Variants in CCSER1 observed in about 807,000 individuals in gnomAD.
The protein encoded by CCSER1 is coiled-coil serine rich protein 1, also known as serine-rich coiled-coil domain-containing protein 1.
A neutral mutation model predicts 82.0 loss-of-function variants in CCSER1; 41 were observed. The observed-to-expected ratio is 0.50, with a 90% CI of 0.39 to 0.65. The LOEUF is 0.65. Ranked by LOEUF, CCSER1 falls within the 30% of genes least tolerant of loss-of-function variation. The pLI is 0.00. For missense variants in CCSER1, 1,119 were observed against 1,064.2 expected (o/e 1.05, Z -0.72); for synonymous variants, 414 against 383.9 (o/e 1.08, Z -0.92).
chr4:91,213,430 A>G (rs1328615539), intron 10 of CCSER1, among the ~76,000 whole-genome samples: 4 of 152,136 alleles, frequency 2.6e-5, no homozygotes, highest in African/African-American at 7.2e-5. Flanking sequence ...ATGGTGATAT[A>G]GTAAAAAAAA....
At chr4:91,084,916 A>G (rs1369472030) in intron 9 of CCSER1, among the ~76,000 whole-genome samples, 2 of 152,126 alleles carry the variant, frequency 1.3e-5, no homozygotes, top group Non-Finnish European at 2.9e-5. Context: ...TTTTTTAAAC[A>G]TAAATGCTGT....
chr4:91,222,222 A>G (rs1737810099), intron 10 of CCSER1, among the ~76,000 whole-genome samples: 2 of 151,140 alleles, frequency 1.3e-5, no homozygotes, highest in Non-Finnish European at 3.0e-5. Flanking sequence ...GAGGCAGCAT[A>G]TGCAGGAAGG....
chr4:90,450,269 A>T (rs1761270216), intron 4 of CCSER1, among the ~76,000 whole-genome samples: 1 of 152,228 alleles, frequency 6.6e-6, no homozygotes, highest in Non-Finnish European at 1.5e-5. Flanking sequence ...TGTGAAAGAA[A>T]GTATCTAGTG....
chr4:90,361,223 T>A (rs1467449624), intron 3 of CCSER1, among the ~76,000 whole-genome samples: 1 of 152,272 alleles, frequency 6.6e-6, no homozygotes, highest in Non-Finnish European at 1.5e-5. Context: ...GCTAAAAAGT[T>A]AATTATTAAT....
At chr4:90,692,130 G>A (rs1736123365) in intron 6 of CCSER1, among the ~76,000 whole-genome samples, 1 of 149,592 alleles carries the variant, frequency 6.7e-6, no homozygotes, top group Admixed American at 6.7e-5. Context: ...ATTTATGAAG[G>A]TATTTCTCAT....
At chr4:90,443,846 T>C (rs1470734636) in intron 4 of CCSER1, among the ~76,000 whole-genome samples, 1 of 152,016 alleles carries the variant, frequency 6.6e-6, no homozygotes, top group Admixed American at 6.6e-5. Context: ...GAGGAGGTTA[T>C]TGGTACTTTA....
intron 9 of CCSER1, among the ~76,000 whole-genome samples, chr4:90,942,981 C>T (rs1166811305): frequency 1.3e-5 from 2 of 149,010 alleles, no homozygotes; most frequent in African/African-American, 2.5e-5. Context: ...GAAGTATTCC[C>T]TCACCCCTGT....
At chr4:91,487,805 C>T (rs1204539368) in intron 10 of CCSER1, among the ~76,000 whole-genome samples, 3 of 151,814 alleles carry the variant, frequency 2.0e-5, no homozygotes, top group African/African-American at 7.3e-5. Flanking sequence ...ACATAACATT[C>T]AACTATATAT....
At chr4:90,747,113 AT>A (rs1747609128) in intron 7 of CCSER1, among the ~76,000 whole-genome samples, 1 of 152,178 alleles carries the variant, frequency 6.6e-6, no homozygotes, top group Admixed American at 6.5e-5. Flanking sequence ...GAGACAGAAA[AT>A]AAAAAAAGAA....
At chr4:91,223,941 T>G (rs986667278) in intron 10 of CCSER1, among the ~76,000 whole-genome samples, 1 of 152,162 alleles carries the variant, frequency 6.6e-6, no homozygotes, top group Admixed American at 6.6e-5. Context: ...AAATATTTAT[T>G]GAGTATAAAA....
At chr4:90,911,766 G>T (rs988286442) in intron 8 of CCSER1, among the ~76,000 whole-genome samples, 1 of 152,078 alleles carries the variant, frequency 6.6e-6, no homozygotes, top group Admixed American at 6.6e-5. Flanking sequence ...CTGGAAAATC[G>T]GGTCACTCCC....
At chr4:90,753,076 G>A (rs895730885) in intron 7 of CCSER1, among the ~76,000 whole-genome samples, 1 of 152,148 alleles carries the variant, frequency 6.6e-6, no homozygotes, top group South Asian at 2.1e-4. Flanking sequence ...TGCACATGAT[G>A]TGAGAGAAAC....
chr4:90,235,062 G>C (rs759140710), intron 1 of CCSER1: 1 of 152,026 alleles, frequency 6.6e-6, no homozygotes, highest in Non-Finnish European at 1.5e-5. Context: ...GTGTATGCTC[G>C]AGGTGCAGGG....
chr4:90,700,162 G>A (rs1015923177), intron 6 of CCSER1, among the ~76,000 whole-genome samples: 6 of 151,768 alleles, frequency 4.0e-5, no homozygotes, highest in South Asian at 2.1e-4. Flanking sequence ...AACAGGCCCC[G>A]GTGTGTAATG....
intron 8 of CCSER1, among the ~76,000 whole-genome samples, chr4:90,852,223 A>G (rs1763970933): frequency 6.6e-6 from 1 of 152,220 alleles, no homozygotes. Context: ...GCTGAGATCT[A>G]GATCTTGCTG....
chr4:90,468,401 T>C (rs1297993135), intron 5 of CCSER1, 47 bp downstream of exon 5: 11 of 1,526,966 alleles, frequency 7.2e-6, no homozygotes, highest in East Asian at 4.5e-5. Flanking sequence ...ATCAATTAGA[T>C]AACTGATAAG....
At chr4:90,764,724 T>C (rs1368720127) in intron 7 of CCSER1, among the ~76,000 whole-genome samples, 1 of 152,124 alleles carries the variant, frequency 6.6e-6, no homozygotes, top group African/African-American at 2.4e-5. Context: ...AAGAAAATTG[T>C]ATTTAATTTA....
intron 10 of CCSER1, among the ~76,000 whole-genome samples, chr4:91,202,367 C>T (rs1204479767): frequency 6.6e-6 from 1 of 151,938 alleles, no homozygotes; most frequent in Non-Finnish European, 1.5e-5. Flanking sequence ...TCTTTTAGTC[C>T]ACGTCTTAGA....
chr4:90,780,005 G>A (rs1040434124), intron 7 of CCSER1, among the ~76,000 whole-genome samples: 4 of 152,118 alleles, frequency 2.6e-5, no homozygotes, highest in Non-Finnish European at 4.4e-5. Context: ...TGAATTAACC[G>A]AGCCTGGAAC....
Sources: gnomAD v4.1 joint callset for allele counts (sites outside exome capture counted in the v4.1 genomes callset) on GRCh38, gnomAD v4.1.1 for gene constraint, MANE v1.5 for transcripts, NCBI Gene and HGNC (gene_info 2026-07-23, HGNC 2026-07-21) for gene names.